Variants in MTUS2 observed in about 807,000 individuals in gnomAD.
The protein encoded by MTUS2 is microtubule associated scaffold protein 2.
MTUS2 carries 40 observed loss-of-function variants against 114.1 expected under a neutral mutation model. That is an observed-to-expected ratio of 0.35 (90% confidence interval 0.27 to 0.46). The LOEUF (loss-of-function observed/expected upper bound fraction) is 0.46, where lower values mean the gene tolerates loss of function less well. Among genes scored for constraint, MTUS2 ranks in the 20% least tolerant of loss-of-function variants. The pLI is 1.00. For synonymous variants in MTUS2, 688 were observed against 672.0 expected (o/e 1.02, Z -0.37); for missense variants, 1,679 against 1,705.4 (o/e 0.98, Z 0.27).
intron 2 of MTUS2, among the ~76,000 whole-genome samples, chr13:28,921,058 C>T (rs565756860): frequency 7.9e-5 from 12 of 152,250 alleles, no homozygotes; most frequent in Non-Finnish European, 1.8e-4. Context: ...TGCAGCTGAG[C>T]TGGTACCTGA....
chr13:28,938,903 T>G (rs2138122818), intron 2 of MTUS2, among the ~76,000 whole-genome samples: 1 of 152,300 alleles, frequency 6.6e-6, no homozygotes, highest in Admixed American at 6.5e-5. Flanking sequence ...ACTGTGCTTT[T>G]CAAATGAACT....
rs148685728 is a variant in MTUS2 at position 29,496,525 on chromosome 13, G to C, written c.3580-713G>C. 6.5e-6 allele frequency: 1 copy of C among 153,028 alleles called. No homozygotes were observed. Among genetic ancestry groups the C allele is most frequent in the African/African-American group, 2.4e-5 (1 of 41,458 alleles). The allele number at this position is 153,028 out of a possible 1,614,324, so 9.5% of individuals were successfully genotyped here. A position where few individuals can be genotyped will look rare whatever the true frequency, so the allele number is the denominator to read the frequency against. ...GGGGCTGGGAGGATGCTGTGTTAGG[G>C]AGTGTGCACTGCACCTTGAGGGCAG... On this transcript the variant is annotated intron_variant, in intron 12 of 15. Coordinates refer to ENST00000612955, the MANE Select transcript of MTUS2 (RefSeq NM_001033602.4). This position sits in a 1 kb window ranked among gnomAD's most constrained non-coding sequence, Gnocchi z 4.3.
chr13:29,065,912 A>AC (rs368476054), intron 4 of MTUS2, among the ~76,000 whole-genome samples: 3,666 of 146,528 alleles, frequency 0.025, 66 homozygotes, highest in Non-Finnish European at 0.039. Flanking sequence ...ACAAATTCAA[A>AC]CCCCCCCCCA....
At chr13:29,305,402 TAAAG>T (rs554329748) in intron 6 of MTUS2, among the ~76,000 whole-genome samples, 3 of 151,656 alleles carry the variant, frequency 2.0e-5, no homozygotes, top group Non-Finnish European at 4.4e-5. Context: ...GCTAGACTAA[TAAAG>T]AAGAAAAGAG....
chr13:29,107,104 T>C (rs1052364023), intron 5 of MTUS2, among the ~76,000 whole-genome samples: 2 of 152,158 alleles, frequency 1.3e-5, no homozygotes, highest in African/African-American at 4.8e-5. Context: ...GCAGATTCTA[T>C]CACTTTTAGG....
At position 29,100,907 on chromosome 13, in the gene MTUS2, T is replaced by C. The variant is rs963827363; in HGVS notation, c.2581T>C (p.Ser861Pro). 7 of 1,573,720 alleles carry C rather than the reference T, an allele frequency of 4.4e-6. No homozygotes were observed. The highest frequency in any genetic ancestry group is 6.0e-6 in the Non-Finnish European group (7 of 1,159,414). Residue 861 changes from serine to proline, a missense_variant, in exon 5 of 16, where the codon TCC (serine) becomes CCC (proline). By Grantham distance (74) the Ser-to-Pro change is moderately conservative. Coordinates refer to ENST00000612955, the MANE Select transcript of MTUS2 (RefSeq NM_001033602.4). The part of the protein sequence containing the change: ...AFGFVRSSSV[S>P]SVSSTQSGDS... ...TGGCTTTGTCCGGAGCTCCAGCGTC[T>C]CCTCAGTCTCCAGCACCCAGTCCGG...
chr13:29,421,410 G>T (rs528956065), intron 8 of MTUS2, among the ~76,000 whole-genome samples: 1 of 152,232 alleles, frequency 6.6e-6, no homozygotes, highest in South Asian at 2.1e-4. Context: ...CATTTTTCAT[G>T]GTTTTCTCTT....
intron 3 of MTUS2, among the ~76,000 whole-genome samples, chr13:29,031,237 GGTGTGTGTGTGTGTGTGTGT>G (rs59288953): frequency 1.6e-5 from 2 of 122,886 alleles, no homozygotes; most frequent in African/African-American, 3.0e-5. Context: ...AGAACTAATA[GGTGTGTGTGTGTGTGTGTGT>G]GTGTGTGTGT....
At chr13:29,138,442 ATTAT>A (rs897729784) in intron 5 of MTUS2, among the ~76,000 whole-genome samples, 76 of 148,252 alleles carry the variant, frequency 5.1e-4, no homozygotes, top group African/African-American at 1.4e-3. Context: ...AATATTATAC[ATTAT>A]TTATATAAAT....
intron 5 of MTUS2, among the ~76,000 whole-genome samples, chr13:29,146,510 G>A (rs1004848278): frequency 6.6e-6 from 1 of 152,094 alleles, no homozygotes; most frequent in Non-Finnish European, 1.5e-5. Context: ...AGATTACTAG[G>A]CATCCAATTT....
chr13:29,188,592 A>G (rs562045926), intron 5 of MTUS2, among the ~76,000 whole-genome samples: 7 of 152,274 alleles, frequency 4.6e-5, no homozygotes, highest in African/African-American at 7.2e-5. Flanking sequence ...TCCAACATCT[A>G]TAATCATACA....
chr13:29,182,334 C>A (rs1894041238), intron 5 of MTUS2, among the ~76,000 whole-genome samples: 1 of 152,232 alleles, frequency 6.6e-6, no homozygotes, highest in Non-Finnish European at 1.5e-5. Context: ...ACAGTCTCCA[C>A]TGATGACTGG....
intron 4 of MTUS2, among the ~76,000 whole-genome samples, chr13:29,068,189 A>G (rs539510991): frequency 5.3e-5 from 8 of 152,274 alleles, no homozygotes; most frequent in African/African-American, 1.7e-4. Flanking sequence ...GAACCATTCA[A>G]TTTGTTCTGA....
intron 2 of MTUS2, among the ~76,000 whole-genome samples, chr13:28,892,240 A>G (rs922401151): frequency 2.6e-5 from 4 of 152,138 alleles, no homozygotes; most frequent in East Asian, 1.9e-4. Context: ...CGTGGGATGT[A>G]TCTGTACTGA....
chr13:29,146,752 T>C (rs1037852271), intron 5 of MTUS2, among the ~76,000 whole-genome samples: 4 of 152,136 alleles, frequency 2.6e-5, no homozygotes, highest in African/African-American at 4.8e-5. Flanking sequence ...CTTGGTGAAG[T>C]TGAGTATATT....
intron 6 of MTUS2, among the ~76,000 whole-genome samples, chr13:29,309,172 A>G (rs1396552089): frequency 6.6e-6 from 1 of 152,226 alleles, no homozygotes; most frequent in Non-Finnish European, 1.5e-5. Flanking sequence ...ACATGGAGTC[A>G]ACCCAAATTC....
At chr13:29,164,848 G>C (rs1893248464) in intron 5 of MTUS2, among the ~76,000 whole-genome samples, 1 of 152,106 alleles carries the variant, frequency 6.6e-6, no homozygotes, top group South Asian at 2.1e-4. Context: ...ACTATTAGTA[G>C]TAAATGAAAA....
At chr13:29,044,053 T>C (rs578017830) in intron 4 of MTUS2, among the ~76,000 whole-genome samples, 4 of 152,286 alleles carry the variant, frequency 2.6e-5, no homozygotes, top group Admixed American at 2.6e-4. Flanking sequence ...CCATTTTTAA[T>C]ATTCTTTATT....
At chr13:28,918,281 C>T (rs1346630265) in intron 2 of MTUS2, among the ~76,000 whole-genome samples, 1 of 151,918 alleles carries the variant, frequency 6.6e-6, no homozygotes, top group Non-Finnish European at 1.5e-5. Context: ...GTATTGAAGT[C>T]TCCAACTATT....
Sources: allele counts gnomAD v4.1 joint callset (sites outside exome capture counted in the v4.1 genomes callset), GRCh38; gene constraint gnomAD v4.1.1; non-coding constraint Gnocchi (gnomAD v3.1); transcripts MANE v1.5; gene names NCBI Gene and HGNC (gene_info 2026-07-23, HGNC 2026-07-21).